ALG13: variants seen among roughly 807,000 people sequenced by gnomAD.
The protein encoded by ALG13 is ALG13 UDP-N-acetylglucosaminyltransferase subunit.
In ALG13, 11 loss-of-function variants were observed where a neutral mutation model predicts 87.8. That is an observed-to-expected ratio of 0.13 (90% confidence interval 0.08 to 0.21). ALG13 has a LOEUF of 0.21. Ranked by LOEUF, ALG13 falls within the 10% of genes least tolerant of loss-of-function variation. The probability of loss-of-function intolerance (pLI) is 1.00; values close to 1 mark genes in which losing one functional copy is unlikely to be tolerated. For missense variants in ALG13, 756 were observed against 866.1 expected (o/e 0.87, Z 1.60); for synonymous variants, 320 against 306.3 (o/e 1.04, Z -0.47).
At chrX:111,725,412 GA>G (rs962974634) in intron 15 of ALG13, among the ~76,000 whole-genome samples, 1 of 110,895 alleles carries the variant, frequency 9.0e-6, no homozygotes, top group East Asian at 2.8e-4. Flanking sequence ...GAGCTAAAAA[GA>G]AAAAAATGAT....
chrX:111,751,358 C>T (rs7877101), intron 24 of ALG13, among the ~76,000 whole-genome samples: 8,912 of 111,650 alleles, frequency 0.08, 889 homozygotes, highest in African/African-American at 0.27. Context: ...TGGGCCACCA[C>T]GCCCGGCCAT....
chrX:111,740,296 A>C (rs1340492959), intron 23 of ALG13, among the ~76,000 whole-genome samples: 1 of 111,507 alleles, frequency 9.0e-6, no homozygotes, highest in Non-Finnish European at 1.9e-5. Flanking sequence ...GGGATATTCT[A>C]ATTTTATCCC....
At chrX:111,755,865 C>G (rs751752759) in intron 25 of ALG13, among the ~76,000 whole-genome samples, 9 of 112,211 alleles carry the variant, frequency 8.0e-5, no homozygotes, top group Non-Finnish European at 1.7e-4. Context: ...GTGGTAATTC[C>G]TCAAGGATCT....
Position 111,709,045 on chromosome X carries a change from G to T in ALG13, c.831G>T (p.Glu277Asp). The change falls in exon 5 of 27, where the codon GAG (glutamate) becomes GAT (aspartate). Residue 277 changes from glutamate to aspartate, a missense_variant. Around this residue, in one of 9 missense-constraint regions of ALG13, gnomAD observed 60 missense variants for 54.5 expected, o/e 1.10. Transcript: ENST00000394780. Reference sequence around the variant, plus strand: ...TGAGGGAAAATCAACAAACTTTTGAGTCTGTAAGTAGAATACATACCCAGG... The same window carrying T: ...TGAGGGAAAATCAACAAACTTTTGATTCTGTAAGTAGAATACATACCCAGG... ...SYMRENQQTF[E>D]SYVEGSFEKY... The T allele has an allele frequency of 8.7e-7, 1 of 1,145,429 alleles. No individual in the cohort carries two copies. The highest frequency in any genetic ancestry group is 1.2e-6 in the Non-Finnish European group (1 of 847,567). 94.4% of individuals were successfully genotyped at this position (1,145,429 alleles called of 1,213,427 possible). A position where few individuals can be genotyped will look rare whatever the true frequency, so the allele number is the denominator to read the frequency against.
At chrX:111,732,218 C>A (rs987329289) in intron 21 of ALG13, among the ~76,000 whole-genome samples, 2 of 111,648 alleles carry the variant, frequency 1.8e-5, no homozygotes, top group Admixed American at 1.9e-4. Flanking sequence ...ATACTAACAT[C>A]ATGTCTTCTA....
intron 3 of ALG13, chrX:111,689,561 G>A (rs145503272): frequency 2.7e-6 from 2 of 753,167 alleles, no homozygotes; most frequent in East Asian, 1.5e-4. Flanking sequence ...GTGCAGTAAC[G>A]CCTCTGACTT....
chrX:111,723,684 A>T (rs1349977607), intron 13 of ALG13, 114 bp from the exon 14 acceptor site: 6 of 467,904 alleles, frequency 1.3e-5, no homozygotes, highest in South Asian at 7.1e-5. Flanking sequence ...GGCAGTGTTG[A>T]TACGAATTAC....
At chrX:111,683,361 A>C (rs1169490631) in intron 2 of ALG13, among the ~76,000 whole-genome samples, 3 of 75,322 alleles carry the variant, frequency 4.0e-5, no homozygotes, top group Non-Finnish European at 7.1e-5. Flanking sequence ...ACGGAGTTTC[A>C]CTCTGTCACC....
intron 24 of ALG13, among the ~76,000 whole-genome samples, chrX:111,749,622 AC>A (rs1291664431): frequency 9.2e-6 from 1 of 108,406 alleles, no homozygotes; most frequent in Non-Finnish European, 1.9e-5. Context: ...ATCATAGTAT[AC>A]CCGTCAATTT....
chrX:111,694,168 G>A (rs948229589), intron 3 of ALG13, among the ~76,000 whole-genome samples: 7 of 109,524 alleles, frequency 6.4e-5, no homozygotes, highest in African/African-American at 1.3e-4. Flanking sequence ...CTCAGCCTCC[G>A]GAGTAGCTGG....
chrX:111,685,246 T>C (rs1934637370), intron 3 of ALG13, 143 bp downstream of exon 3: 1 of 649,866 alleles, frequency 1.5e-6, no homozygotes, highest in Non-Finnish European at 2.3e-6. Flanking sequence ...AGCTGTAAAA[T>C]CCTCCCATTT....
At chrX:111,729,958 C>T (rs1165745287) in intron 19 of ALG13, among the ~76,000 whole-genome samples, 1 of 112,290 alleles carries the variant, frequency 8.9e-6, no homozygotes, top group Non-Finnish European at 1.9e-5. Flanking sequence ...TAACCATCCT[C>T]AAAAGGCCTA....
chrX:111,690,452 C>G (rs777664838), intron 3 of ALG13: 1 of 689,913 alleles, frequency 1.4e-6, no homozygotes, highest in East Asian at 1.6e-4. Context: ...ATTTTAGATA[C>G]TTATAATTTG....
intron 5 of ALG13, among the ~76,000 whole-genome samples, chrX:111,710,630 A>G (rs1052153369): frequency 2.7e-5 from 3 of 112,198 alleles, no homozygotes; most frequent in Non-Finnish European, 5.6e-5. Context: ...CTCAATTGTG[A>G]TGATGATTTC....
chrX:111,722,901 C>A, intron 13 of ALG13, 44 bp downstream of exon 13: 1 of 973,132 alleles, frequency 1.0e-6, no homozygotes, highest in Non-Finnish European at 1.4e-6. Flanking sequence ...TAAGAATGTG[C>A]TTTTTGTCAT....
At position 111,735,078 on chromosome X, in the gene ALG13, A is replaced by G. The variant is rs368075878; in HGVS notation, c.2485A>G (p.Met829Val). Reference sequence around the variant, plus strand: ...TCTTCAGGACAGAAAGTCATGTTCTATGTCTCCTCAGGACACAGTTACCTC... The same window carrying G: ...TCTTCAGGACAGAAAGTCATGTTCTGTGTCTCCTCAGGACACAGTTACCTC... ...LSLQDRKSCS[M>V]SPQDTVTSYN... The change falls in exon 22 of 27, where the codon ATG becomes GTG. Residue 829 changes from methionine to valine, a missense_variant. Around this residue, in one of 9 missense-constraint regions of ALG13, gnomAD observed 362 missense variants for 383.5 expected, o/e 0.94. Coordinates refer to ENST00000394780, the MANE Select transcript of ALG13 (RefSeq NM_001099922.3). 117 of 1,192,074 alleles carry G rather than the reference A, an allele frequency of 9.8e-5. No homozygotes were observed. In the African/African-American group the frequency reaches 1.0e-3, roughly 10 times the overall value.
chrX:111,711,798 G>A, intron 6 of ALG13, 73 bp downstream of exon 6: 3 of 1,025,017 alleles, frequency 2.9e-6, no homozygotes, highest in South Asian at 2.2e-5. Context: ...TCATTCAACT[G>A]TATTATTTTA....
intron 24 of ALG13, among the ~76,000 whole-genome samples, chrX:111,750,596 A>G (rs1944633718): frequency 9.2e-6 from 1 of 109,239 alleles, no homozygotes; most frequent in Non-Finnish European, 1.9e-5. Flanking sequence ...TTCTCCCTTC[A>G]TTTCTGTCAG....
chrX:111,711,914 A>G (rs1939840293), intron 6 of ALG13, among the ~76,000 whole-genome samples, 189 bp downstream of exon 6: 1 of 112,100 alleles, frequency 8.9e-6, no homozygotes, highest in Non-Finnish European at 1.9e-5. Context: ...TTGAATATTG[A>G]TAATTGTGTG....
Sources: gnomAD v4.1 joint callset for allele counts (sites outside exome capture counted in the v4.1 genomes callset) on GRCh38, gnomAD v4.1.1 for gene constraint, gnomAD v4.1.1 regional missense constraint, MANE v1.5 for transcripts, NCBI Gene and HGNC (gene_info 2026-07-23, HGNC 2026-07-21) for gene names.